The following TMEM130 variants were observed in gnomAD, a reference collection of about 807,000 sequenced individuals.
The protein encoded by TMEM130 is transmembrane protein 130.
A neutral mutation model predicts 42.9 loss-of-function variants in TMEM130; 37 were observed. The observed-to-expected ratio is 0.86, with a 90% CI of 0.66 to 1.13. TMEM130 has a LOEUF of 1.13. Ranked by LOEUF, TMEM130 falls within the 50% of genes most tolerant of loss-of-function variation. The pLI, the probability that TMEM130 is intolerant of heterozygous loss-of-function variation, is 0.00. For missense variants in TMEM130, 545 were observed against 562.6 expected, an observed-to-expected ratio of 0.97 and a Z score of 0.32; for synonymous variants, 259 against 237.7, an observed-to-expected ratio of 1.09 and a Z score of -0.82.
At chr7:98,854,180 G>A (rs1374586476) in intron 5 of TMEM130, among the ~76,000 whole-genome samples, 9 of 151,930 alleles carry the variant, frequency 5.9e-5, no homozygotes, top group African/African-American at 2.2e-4. Flanking sequence ...TCGAATTACA[G>A]GCATGAGTCA....
intron 2 of TMEM130, among the ~76,000 whole-genome samples, chr7:98,862,587 C>G (rs1248965510): frequency 3.4e-5 from 5 of 145,030 alleles, no homozygotes; most frequent in African/African-American, 5.0e-5. Flanking sequence ...CAACCTCTGC[C>G]CCCCAGGTTC....
chr7:98,849,839 G>A (rs1426332722), intron 6 of TMEM130, among the ~76,000 whole-genome samples: 1 of 151,998 alleles, frequency 6.6e-6, no homozygotes, highest in Non-Finnish European at 1.5e-5. Flanking sequence ...AGTAGGTTGG[G>A]CATCTGAAAG....
chr7:98,867,653 G>C (rs1215866491), intron 1 of TMEM130, among the ~76,000 whole-genome samples: 1 of 152,182 alleles, frequency 6.6e-6, no homozygotes, highest in South Asian at 2.1e-4. Context: ...GAGGGGGGAT[G>C]GGGGGCAGGG....
intron 6 of TMEM130, among the ~76,000 whole-genome samples, chr7:98,849,735 C>A (rs916419597): frequency 6.6e-6 from 1 of 152,142 alleles, no homozygotes; most frequent in East Asian, 1.9e-4. Flanking sequence ...ACCCCAGGAC[C>A]AGGAATCTGA....
intron 1 of TMEM130, among the ~76,000 whole-genome samples, chr7:98,863,612 C>CCCTT (rs1302113586): frequency 1.3e-5 from 2 of 150,856 alleles, no homozygotes; most frequent in Non-Finnish European, 2.9e-5. Context: ...GTCTTATTTC[C>CCCTT]CCTTCCTTCC....
In TMEM130 at chr7:98,848,737, T is replaced by C. The variant is rs117039961; in HGVS notation, c.1007-42A>G. On this transcript the variant is annotated intron_variant, in intron 6 of 7. Transcript: ENST00000339375. ...TAACATTACAGGACTGGGTAGCTGGTACTACAGTGCTGGTTCTCAGGAAGC... is the reference window on the plus strand; with the variant it reads ...TAACATTACAGGACTGGGTAGCTGGCACTACAGTGCTGGTTCTCAGGAAGC... The C allele has an allele frequency of 7.9e-3, 10,443 of 1,322,718 alleles. 73 individuals are homozygous for C. The highest frequency in any genetic ancestry group is 0.012 in the South Asian group (1,018 of 85,232). 81.9% of individuals were successfully genotyped at this position (1,322,718 alleles called of 1,614,324 possible).
intron 3 of TMEM130, among the ~76,000 whole-genome samples, chr7:98,857,723 CTTTTTTT>C (rs781912154): frequency 1.2e-5 from 1 of 82,270 alleles, no homozygotes; most frequent in Admixed American, 1.3e-4. Flanking sequence ...AAAACACATC[CTTTTTTT>C]TTTTTTTTTT....
chr7:98,861,106 G>A (rs980003898), intron 2 of TMEM130, among the ~76,000 whole-genome samples: 5 of 151,926 alleles, frequency 3.3e-5, no homozygotes, highest in African/African-American at 7.3e-5. Flanking sequence ...AGGCCAACAC[G>A]GGCAGATCAC....
intron 2 of TMEM130, among the ~76,000 whole-genome samples, chr7:98,862,487 C>CTTTTTT (rs57165730): frequency 2.4e-4 from 16 of 65,788 alleles, no homozygotes; most frequent in African/African-American, 8.8e-4. Flanking sequence ...ACAATAATTT[C>CTTTTTT]TTTTTTTTTT....
chr7:98,848,309 T>A, intron 7 of TMEM130, 101 bp from the exon 8 acceptor site: 3 of 1,415,838 alleles, frequency 2.1e-6, no homozygotes, highest in South Asian at 2.6e-5. Context: ...GGTGGCCTTA[T>A]GAGCTCAGCT....
intron 3 of TMEM130, 55 bp from the exon 4 acceptor site, chr7:98,856,238 T>C: frequency 6.4e-7 from 1 of 1,560,760 alleles, no homozygotes; most frequent in Non-Finnish European, 8.8e-7. Context: ...TGCTTCCCCT[T>C]CCTGTAACTC....
Position 98,847,920 on chromosome 7 carries a change from T to C in TMEM130, c.*136A>G, listed in dbSNP as rs1442194294. 1.2e-6 allele frequency: 1 copy of C among 807,670 alleles called. No homozygotes were observed. Among genetic ancestry groups the C allele is most frequent in the South Asian group, 1.9e-5 (1 of 53,904 alleles). The allele number at this position is 807,670 out of a possible 1,614,324, so 50.0% of individuals were successfully genotyped here. On this transcript the variant is annotated 3_prime_UTR_variant, in exon 8 of 8. Coordinates refer to ENST00000339375, the MANE Select transcript of TMEM130 (RefSeq NM_152913.3). ...GAGGGGCTTGTGGCAGTGGCTGAAC[T>C]GTACAGATGGATGGATGATCCAGGC...
At chr7:98,850,274 T>TATATATATA (rs1491493786) in intron 6 of TMEM130, among the ~76,000 whole-genome samples, 12 of 31,226 alleles carry the variant, frequency 3.8e-4, no homozygotes, top group African/African-American at 8.4e-4. Context: ...TATATATATA[T>TATATATATA]TTTTTTTTTT....
At chr7:98,859,737 T>G (rs886691058) in intron 3 of TMEM130, among the ~76,000 whole-genome samples, 1 of 150,042 alleles carries the variant, frequency 6.7e-6, no homozygotes, top group Non-Finnish European at 1.5e-5. Flanking sequence ...AATAAATTAA[T>G]TAATTAATTA....
Position 98,848,084 on chromosome 7 carries a change from T to C in TMEM130, c.1244A>G (p.Tyr415Cys), listed in dbSNP as rs1448685054. The stretch of plus-strand genomic sequence containing the variant: ...CACGGTGTAAGTTTTGACAGACTTA[T>C]AGAGGGGCGGGAGCAGCCCGTGGTT... ...RENHGLLPPL[Y>C]KSVKTYTV The change falls in exon 8 of 8, where the codon TAT becomes TGT. Residue 415 changes from tyrosine (Y) to cysteine (C), a missense_variant. Tyr to Cys is a radical substitution (Grantham distance 194). Coordinates refer to ENST00000339375, the MANE Select transcript of TMEM130 (RefSeq NM_152913.3). 6.2e-7 allele frequency: 1 copy of C among 1,613,952 alleles called. No homozygotes were observed. The highest frequency in any genetic ancestry group is 1.3e-5 in the African/African-American group (1 of 74,980).
At position 98,863,142 on chromosome 7, in the gene TMEM130, C is replaced by T. The variant is rs375421831; in HGVS notation, c.344G>A (p.Trp115Ter). The change falls in exon 2 of 8, where the codon TGG (tryptophan) becomes TAG (stop). Residue 115 changes from tryptophan to a stop codon, truncating the protein, a stop_gained. Coordinates refer to ENST00000339375, the MANE Select transcript of TMEM130 (RefSeq NM_152913.3). LOFTEE classifies it high-confidence loss of function. ...GCCCCTGGCCACAGGCTGGCACATCCAGCAGTCAGCGGCAGTGACCCAGAC... is the reference window on the plus strand; with the variant it reads ...GCCCCTGGCCACAGGCTGGCACATCTAGCAGTCAGCGGCAGTGACCCAGAC... ...VSVWVTAADC[W>*]MCQPVARGFV... is the part of the protein sequence containing the mutation. The T allele has an allele frequency of 6.2e-7, 1 of 1,613,980 alleles. No individual in the cohort carries two copies. Among genetic ancestry groups the T allele is most frequent in the Non-Finnish European group, 8.5e-7 (1 of 1,180,036 alleles).
Position 98,869,655 on chromosome 7 carries a change from G to A in TMEM130, c.85+122C>T. On this transcript the variant is annotated intron_variant, in intron 1 of 7. Coordinates refer to ENST00000339375, the MANE Select transcript of TMEM130 (RefSeq NM_152913.3). The surrounding 1 kb of genome is among the most constrained non-coding windows in gnomAD (Gnocchi z 4.7). ...AGTGGCCTCAGCCGAGGAGGGAGATGCGCGCAGGGCGCACGGTGCCACCTC... is the reference window on the plus strand; with the variant it reads ...AGTGGCCTCAGCCGAGGAGGGAGATACGCGCAGGGCGCACGGTGCCACCTC... 1 of 730,062 alleles carries A rather than the reference G, an allele frequency of 1.4e-6. No individual in the cohort carries two copies. Among genetic ancestry groups the A allele is most frequent in the Non-Finnish European group, 2.0e-6 (1 of 507,940 alleles). 45.2% of individuals were successfully genotyped at this position (730,062 alleles called of 1,614,324 possible). A position where few individuals can be genotyped will look rare whatever the true frequency, so the allele number is the denominator to read the frequency against.
At chr7:98,860,381 A>G (rs372297724) in intron 2 of TMEM130, 43 bp from the exon 3 acceptor site, 26 of 1,538,242 alleles carry the variant, frequency 1.7e-5, no homozygotes, top group African/African-American at 8.3e-5. Context: ...TTGGAGATTC[A>G]GGGATCAGGA....
At chr7:98,850,266 TATATATA>T (rs1348359884) in intron 6 of TMEM130, among the ~76,000 whole-genome samples, 2 of 52,374 alleles carry the variant, frequency 3.8e-5, no homozygotes, top group African/African-American at 1.2e-4. Context: ...TATATATATA[TATATATA>T]TTTTTTTTTT....
Sources: gnomAD v4.1 joint callset for allele counts (sites outside exome capture counted in the v4.1 genomes callset) on GRCh38, gnomAD v4.1.1 for gene constraint, Gnocchi (gnomAD v3.1) non-coding constraint, MANE v1.5 for transcripts, NCBI Gene and HGNC (gene_info 2026-07-23, HGNC 2026-07-21) for gene names.